The following CD163L1 variants were observed in gnomAD, a reference collection of about 807,000 sequenced individuals.
The protein encoded by CD163L1 is scavenger receptor cysteine-rich type 1 protein M160.
In CD163L1, 124 loss-of-function variants were observed where a neutral mutation model predicts 165.4. The ratio of observed to expected loss-of-function variants is 0.75; its 90% CI spans 0.65 to 0.87. The LOEUF is 0.87. CD163L1 is among the 40% of genes least tolerant of loss of function. The pLI, the probability that CD163L1 is intolerant of heterozygous loss-of-function variation, is 0.00. For synonymous variants in CD163L1, 585 were observed against 662.2 expected (o/e 0.88, Z 1.79); for missense variants, 1,525 against 1,799.9 (o/e 0.85, Z 2.76).
the CD163L1 span, among the ~76,000 whole-genome samples, chr12:7,331,901 T>A: frequency 6.6e-6 from 1 of 151,994 alleles, no homozygotes; most frequent in Admixed American, 6.5e-5. Context: ...GGAACGCAGC[T>A]CCTCACCAGC....
At chr12:7,436,118 G>A (rs2136640839) in intron 2 of CD163L1, among the ~76,000 whole-genome samples, 2 of 152,186 alleles carry the variant, frequency 1.3e-5, no homozygotes, top group Middle Eastern at 6.8e-3. Context: ...TGGAAGGTAG[G>A]TGGAAGAGAA....
the CD163L1 span, among the ~76,000 whole-genome samples, chr12:7,336,441 A>G: frequency 6.6e-6 from 1 of 152,168 alleles, no homozygotes; most frequent in Non-Finnish European, 1.5e-5. Flanking sequence ...TCTCACTCAT[A>G]GTTGGGAATT....
chr12:7,415,499 C>T (rs1356049618), intron 4 of CD163L1, among the ~76,000 whole-genome samples: 1 of 152,122 alleles, frequency 6.6e-6, no homozygotes, highest in Non-Finnish European at 1.5e-5. Flanking sequence ...CACAGAAATA[C>T]ATGTGCCATG....
At chr12:7,336,186 C>T in the CD163L1 span, among the ~76,000 whole-genome samples, 4 of 145,000 alleles carry the variant, frequency 2.8e-5, no homozygotes, top group African/African-American at 7.8e-5. Flanking sequence ...ATAAATCATG[C>T]TGCTATAAAG....
At chr12:7,338,705 T>C in the CD163L1 span, among the ~76,000 whole-genome samples, 1 of 152,158 alleles carries the variant, frequency 6.6e-6, no homozygotes, top group Non-Finnish European at 1.5e-5. Context: ...GAAGGGAAAC[T>C]GCCTGAGATT....
the CD163L1 span, among the ~76,000 whole-genome samples, chr12:7,336,805 A>C: frequency 6.6e-6 from 1 of 152,144 alleles, no homozygotes; most frequent in Non-Finnish European, 1.5e-5. Flanking sequence ...TCTTCACAGA[A>C]TTAGAAAAAA....
intron 8 of CD163L1, among the ~76,000 whole-genome samples, chr12:7,389,960 T>TATATATATATA (rs1555197839): frequency 1.5e-4 from 20 of 135,938 alleles, no homozygotes; most frequent in Middle Eastern, 3.8e-3. Flanking sequence ...ATATATATAT[T>TATATATATATA]TATATATATA....
chr12:7,421,760 TATATATATA>T (rs1409489795), intron 4 of CD163L1, among the ~76,000 whole-genome samples: 2,621 of 136,682 alleles, frequency 0.019, 84 homozygotes, highest in African/African-American at 0.063. Flanking sequence ...TATATATATA[TATATATATA>T]TTTTTTCTTC....
At chr12:7,439,119 T>C (rs58992912) in intron 2 of CD163L1, 6 of 1,572,592 alleles carry the variant, frequency 3.8e-6, no homozygotes, top group Non-Finnish European at 5.1e-6. Flanking sequence ...GCACTTTTAG[T>C]GTTTTGTTTC....
At chr12:7,397,414 C>A (rs2136501867) in intron 7 of CD163L1, among the ~76,000 whole-genome samples, 1 of 152,302 alleles carries the variant, frequency 6.6e-6, no homozygotes, top group Admixed American at 6.5e-5. Context: ...TGGTAAGGTA[C>A]TGAATTCTCA....
In CD163L1 at chr12:7,369,038, C is replaced by A. The variant is rs773550712; in HGVS notation, c.4040-73G>T. On this transcript the variant is annotated intron_variant, in intron 15 of 19. Transcript: ENST00000313599. The surrounding 1 kb of genome is among the most constrained non-coding windows in gnomAD (Gnocchi z 4.9). ...TGGGTATTTCTTTTTACATCTCCTGCGATTATCGGATGTCATTTAAATATC... is the reference window on the plus strand; with the variant it reads ...TGGGTATTTCTTTTTACATCTCCTGAGATTATCGGATGTCATTTAAATATC... The A allele has an allele frequency of 5.2e-5, 76 of 1,459,020 alleles. No homozygotes were observed. The highest frequency in any genetic ancestry group is 7.1e-5 in the Non-Finnish European group (75 of 1,050,480). 90.4% of individuals were successfully genotyped at this position (1,459,020 alleles called of 1,614,324 possible).
downstream of CD163L1, among the ~76,000 whole-genome samples, chr12:7,342,979 C>T (rs1946647443): frequency 6.6e-6 from 1 of 152,166 alleles, no homozygotes; most frequent in African/African-American, 2.4e-5. Context: ...TTTACCTGCT[C>T]TTCCTCTTTG....
chr12:7,394,231 C>T (rs1012815195), intron 8 of CD163L1, among the ~76,000 whole-genome samples: 27 of 152,082 alleles, frequency 1.8e-4, no homozygotes, highest in African/African-American at 4.3e-4. Context: ...AGCATGGTAC[C>T]GGTACCAAAA....
At chr12:7,342,211 T>G (rs1002416799), downstream of CD163L1, among the ~76,000 whole-genome samples, 2 of 152,142 alleles carry the variant, frequency 1.3e-5, no homozygotes, top group African/African-American at 4.8e-5. Flanking sequence ...ACACCCACAC[T>G]GGAAGGTTGT....
At chr12:7,333,442 T>C in the CD163L1 span, among the ~76,000 whole-genome samples, 24 of 151,330 alleles carry the variant, frequency 1.6e-4, no homozygotes, top group African/African-American at 3.2e-4. Context: ...TTGAAACCAA[T>C]GAGAACAAAG....
intron 4 of CD163L1, among the ~76,000 whole-genome samples, chr12:7,416,445 G>A (rs1948242442): frequency 6.6e-6 from 1 of 152,096 alleles, no homozygotes; most frequent in Non-Finnish European, 1.5e-5. Flanking sequence ...TGTCAATTTT[G>A]GCTTTTGTTG....
intron 11 of CD163L1, 131 bp from the exon 12 acceptor site, chr12:7,375,054 T>C: frequency 1.1e-6 from 1 of 920,980 alleles, no homozygotes; most frequent in East Asian, 2.6e-5. Flanking sequence ...ATTGAAATCA[T>C]TTTTATTAAT....
Position 7,396,226 on chromosome 12 carries a change from G to A in CD163L1, c.1919C>T (p.Thr640Ile). Residue 640 changes from threonine (T) to isoleucine (I), a missense_variant, in exon 8 of 20, where the codon ACA becomes ATA. Coordinates refer to ENST00000313599, the MANE Select transcript of CD163L1 (RefSeq NM_174941.6). ...ATCGAGCCAAATTTTTCCATATCCT[G>A]TAGAAGCGTTTCCCAGACCCATGCC... ...IIGMGLGNAS[T>I]GYGKIWLDDV... 1.2e-6 allele frequency: 2 copies of A among 1,614,168 alleles called. No homozygotes were observed. The highest frequency in any genetic ancestry group is 1.7e-6 in the Non-Finnish European group (2 of 1,180,030).
At position 7,357,447 on chromosome 12, in the gene CD163L1, G is replaced by A. The variant is rs139034562; in HGVS notation, c.4319C>T (p.Thr1440Ile). 272 of 1,612,736 alleles carry A rather than the reference G, an allele frequency of 1.7e-4. No individual in the cohort carries two copies. In the Admixed American group the frequency reaches 1.9e-3, roughly 11 times the overall value. ...PNHGCEDASD[T>I]SLLGVLPASE... ...GGCAGGAAGAACTCCCAACAGCGAT[G>A]TGTCGCTAGCATCTTCACAACCATG... The change falls in exon 19 of 20, where the codon ACA becomes ATA. Residue 1440 changes from threonine (T) to isoleucine (I), a missense_variant. Physicochemically the swap from Thr to Ile is moderately conservative, Grantham distance 89. Coordinates refer to ENST00000313599, the MANE Select transcript of CD163L1 (RefSeq NM_174941.6).
Sources: gnomAD v4.1 joint callset for allele counts (sites outside exome capture counted in the v4.1 genomes callset) on GRCh38, gnomAD v4.1.1 for gene constraint, Gnocchi (gnomAD v3.1) non-coding constraint, MANE v1.5 for transcripts, NCBI Gene and HGNC (gene_info 2026-07-23, HGNC 2026-07-21) for gene names.